The following KIAA1958 variants were observed in gnomAD, a reference collection of about 807,000 sequenced individuals.
The protein encoded by KIAA1958 is uncharacterized protein KIAA1958.
Under a neutral mutation model 47.2 loss-of-function variants are expected in KIAA1958, and 14 were observed. The ratio of observed to expected loss-of-function variants is 0.30; its 90% CI spans 0.20 to 0.46. The LOEUF is 0.46. KIAA1958 is among the 20% of genes least tolerant of loss of function. KIAA1958 has a pLI of 1.00. For synonymous variants in KIAA1958, 354 were observed against 353.3 expected, an observed-to-expected ratio of 1.00 and a Z score of -0.02; for missense variants, 803 against 909.2, an observed-to-expected ratio of 0.88 and a Z score of 1.50.
chr9:112,523,580 T>C (rs4979127), intron 1 of KIAA1958, among the ~76,000 whole-genome samples: 42,269 of 152,162 alleles, frequency 0.28, 5,908 homozygotes, highest in Middle Eastern at 0.4. Context: ...TTTATGCTTT[T>C]GAAAGTCCTG....
At chr9:112,629,901 C>G (rs1426995683) in intron 2 of KIAA1958, among the ~76,000 whole-genome samples, 1 of 152,158 alleles carries the variant, frequency 6.6e-6, no homozygotes, top group Non-Finnish European at 1.5e-5. Flanking sequence ...GGCATGATGA[C>G]CAGTCTTCAT....
At chr9:112,604,966 T>G (rs1419346884) in intron 2 of KIAA1958, among the ~76,000 whole-genome samples, 5 of 147,546 alleles carry the variant, frequency 3.4e-5, no homozygotes, top group African/African-American at 1.2e-4. Flanking sequence ...GTTTATATAT[T>G]TTTATATATT....
At chr9:112,534,723 T>G (rs1435706887) in intron 1 of KIAA1958, among the ~76,000 whole-genome samples, 3 of 152,110 alleles carry the variant, frequency 2.0e-5, no homozygotes, top group Non-Finnish European at 4.4e-5. Flanking sequence ...TTTATATTTT[T>G]ATTAGAGATG....
At chr9:112,527,640 ATGAGT>A (rs771600559) in intron 1 of KIAA1958, among the ~76,000 whole-genome samples, 1 of 152,162 alleles carries the variant, frequency 6.6e-6, no homozygotes, top group African/African-American at 2.4e-5. Context: ...AAATGGAAAA[ATGAGT>A]TAAGAGGCTG....
intron 1 of KIAA1958, among the ~76,000 whole-genome samples, chr9:112,531,468 C>T (rs536094207): frequency 1.3e-5 from 2 of 152,242 alleles, no homozygotes; most frequent in African/African-American, 4.8e-5. Context: ...GGGAAAAATA[C>T]CACAGTGTTA....
intron 1 of KIAA1958, among the ~76,000 whole-genome samples, chr9:112,499,223 T>C (rs762047440): frequency 6.6e-6 from 1 of 152,204 alleles, no homozygotes; most frequent in Non-Finnish European, 1.5e-5. Context: ...ATAATCTCTT[T>C]GATACACTGA....
At chr9:112,611,837 T>C (rs566193011) in intron 2 of KIAA1958, among the ~76,000 whole-genome samples, 1 of 152,136 alleles carries the variant, frequency 6.6e-6, no homozygotes, top group South Asian at 2.1e-4. Flanking sequence ...TTAAGACAAA[T>C]TTTTATTATA....
chr9:112,530,032 A>G (rs1395008022), intron 1 of KIAA1958, among the ~76,000 whole-genome samples: 1 of 151,926 alleles, frequency 6.6e-6, no homozygotes, highest in Admixed American at 6.6e-5. Flanking sequence ...TTTAGTGGAG[A>G]CAGGGTTTCA....
rs1319033154 is a variant in KIAA1958 at position 112,574,427 on chromosome 9, C to T, written c.347C>T (p.Thr116Ile). 2.5e-6 allele frequency: 4 copies of T among 1,613,938 alleles called. No homozygotes were observed. In the South Asian group the frequency reaches 3.3e-5, roughly 13 times the overall value. ...PVKAKLDCNR[T>I]RDSCDFSYCS... ...AAAGCAAAGCTAGACTGTAACCGGA[C>T]CAGAGACTCTTGTGACTTCTCCTAC... Residue 116 changes from threonine to isoleucine, a missense_variant, in exon 2 of 4, where the codon ACC becomes ATC. This residue lies in a region of KIAA1958 where 761 missense variants were observed against 829.3 expected (regional missense o/e 0.92). Coordinates refer to ENST00000337530, the MANE Select transcript of KIAA1958 (RefSeq NM_133465.4).
chr9:112,611,250 T>C (rs535039506), intron 2 of KIAA1958, among the ~76,000 whole-genome samples: 31 of 152,232 alleles, frequency 2.0e-4, no homozygotes, highest in African/African-American at 7.5e-4. Flanking sequence ...AACAAAACGC[T>C]ATATGGAGCA....
At chr9:112,621,863 CCTCAGCCTCCCAA>C (rs1836514436) in intron 2 of KIAA1958, among the ~76,000 whole-genome samples, 1 of 152,140 alleles carries the variant, frequency 6.6e-6, no homozygotes, top group African/African-American at 2.4e-5. Context: ...GATCCTCCCA[CCTCAGCCTCCCAA>C]ATAGCTGGAA....
At chr9:112,534,890 A>G (rs770635762) in intron 1 of KIAA1958, among the ~76,000 whole-genome samples, 1 of 152,112 alleles carries the variant, frequency 6.6e-6, no homozygotes. Context: ...TTTTAAGGAG[A>G]CAACCTCTTG....
intron 2 of KIAA1958, among the ~76,000 whole-genome samples, chr9:112,611,589 T>C (rs1023535608): frequency 1.3e-5 from 2 of 151,944 alleles, no homozygotes; most frequent in African/African-American, 4.8e-5. Context: ...ATGCAGAAGA[T>C]ATGAAAAATG....
At chr9:112,656,689 A>G (rs1460315539) in intron 3 of KIAA1958, among the ~76,000 whole-genome samples, 1 of 152,194 alleles carries the variant, frequency 6.6e-6, no homozygotes, top group Non-Finnish European at 1.5e-5. Flanking sequence ...ATGAAAAAGA[A>G]AAGCTGAACT....
At chr9:112,658,066 AGGCTG>A (rs1288726664) in intron 3 of KIAA1958, among the ~76,000 whole-genome samples, 1 of 152,160 alleles carries the variant, frequency 6.6e-6, no homozygotes, top group African/African-American at 2.4e-5. Flanking sequence ...CATGTTGGCC[AGGCTG>A]GTCTTGAACT....
chr9:112,578,850 C>G (rs931906589), intron 2 of KIAA1958, among the ~76,000 whole-genome samples: 1 of 151,990 alleles, frequency 6.6e-6, no homozygotes, highest in African/African-American at 2.4e-5. Context: ...ATTTAAATCT[C>G]TATCGCATCA....
chr9:112,622,851 C>T (rs1836533978), intron 2 of KIAA1958, among the ~76,000 whole-genome samples: 1 of 152,120 alleles, frequency 6.6e-6, no homozygotes, highest in African/African-American at 2.4e-5. Context: ...GTCACATCAA[C>T]AGTATTTATT....
chr9:112,644,439 C>G (rs1836943826), intron 2 of KIAA1958, among the ~76,000 whole-genome samples: 1 of 152,150 alleles, frequency 6.6e-6, no homozygotes, highest in South Asian at 2.1e-4. Context: ...CCAGTTAGCA[C>G]CTTGTTTGAA....
chr9:112,657,419 C>G (rs1183807639), intron 3 of KIAA1958, among the ~76,000 whole-genome samples: 2 of 152,102 alleles, frequency 1.3e-5, no homozygotes, highest in African/African-American at 4.8e-5. Flanking sequence ...GTTTAGTTTA[C>G]TTTTTCTAGC....
Sources: allele counts gnomAD v4.1 joint callset (sites outside exome capture counted in the v4.1 genomes callset), GRCh38; gene constraint gnomAD v4.1.1; regional missense constraint gnomAD v4.1.1; transcripts MANE v1.5; gene names NCBI Gene and HGNC (gene_info 2026-07-23, HGNC 2026-07-21).